SCIMP: variants seen among roughly 807,000 people sequenced by gnomAD.
The protein encoded by SCIMP is SLP adaptor and CSK interacting membrane protein, also known as SLP adapter and CSK-interacting membrane protein.
SCIMP carries 18 observed loss-of-function variants against 22.0 expected under a neutral mutation model. That is an observed-to-expected ratio of 0.82 (90% confidence interval 0.56 to 1.21). The LOEUF (loss-of-function observed/expected upper bound fraction) is 1.21, where lower values mean the gene tolerates loss of function less well. Ranked by LOEUF, SCIMP falls within the 50% of genes most tolerant of loss-of-function variation. The pLI, the probability that SCIMP is intolerant of heterozygous loss-of-function variation, is 0.00. For synonymous variants in SCIMP, 53 were observed against 62.2 expected (o/e 0.85, Z 0.70); for missense variants, 155 against 171.2 (o/e 0.91, Z 0.53).
chr17:5,233,104 G>A (rs1008144845), intron 1 of SCIMP, among the ~76,000 whole-genome samples: 8 of 152,178 alleles, frequency 5.3e-5, no homozygotes, highest in South Asian at 4.1e-4. Context: ...GGAAGTGCAC[G>A]GCAGGGTCAT....
In SCIMP at chr17:5,226,639, G is replaced by A. The variant is rs138433564; in HGVS notation, c.22-3183C>T. Among the ~76,000 whole-genome samples the A allele has an allele frequency of 1.5e-3, 235 of 151,714 alleles. 1 individual carries two copies. Among genetic ancestry groups the A allele is most frequent in the African/African-American group, 5.5e-3 (229 of 41,352 alleles). ...TTCTGCCTCAGCCTCTCCAGTAGCTGCGATTACAGGTGTGTGCCACCATGC... is the reference window on the plus strand; with the variant it reads ...TTCTGCCTCAGCCTCTCCAGTAGCTACGATTACAGGTGTGTGCCACCATGC... On this transcript the variant is annotated intron_variant, in intron 1 of 4. Transcript: ENST00000574081.
At position 5,215,016 on chromosome 17, in the gene SCIMP, G is replaced by C; in HGVS notation, c.210-18C>G. 1 of 1,559,686 alleles carries C rather than the reference G, an allele frequency of 6.4e-7. No homozygotes were observed. The highest frequency in any genetic ancestry group is 8.8e-7 in the Non-Finnish European group (1 of 1,130,862). On this transcript the variant is annotated intron_variant, in intron 3 of 4. Coordinates refer to ENST00000574081, the MANE Select transcript of SCIMP (RefSeq NM_207103.3). ...GAACATTCCTAGAGAGAGAGAAAGAGAGAGAATCAGTGTTTGGTTTGGGCC... is the reference window on the plus strand; with the variant it reads ...GAACATTCCTAGAGAGAGAGAAAGACAGAGAATCAGTGTTTGGTTTGGGCC...
chr17:5,232,665 G>A (rs2074711683), intron 1 of SCIMP, among the ~76,000 whole-genome samples: 1 of 151,990 alleles, frequency 6.6e-6, no homozygotes, highest in Non-Finnish European at 1.5e-5. Flanking sequence ...CTAATTCCCC[G>A]ACTGTTGCTG....
chr17:5,212,478 CAAA>C (rs2074532816), intron 4 of SCIMP, among the ~76,000 whole-genome samples: 1 of 152,054 alleles, frequency 6.6e-6, no homozygotes, highest in South Asian at 2.1e-4. Flanking sequence ...ACTAAAAATA[CAAA>C]AAATTAGCCA....
At chr17:5,213,284 G>T in intron 4 of SCIMP, 5 of 959,596 alleles carry the variant, frequency 5.2e-6, no homozygotes, top group Non-Finnish European at 6.2e-6. Flanking sequence ...TTGAGACAGG[G>T]TCTCACTCTG....
intron 1 of SCIMP, among the ~76,000 whole-genome samples, chr17:5,224,285 C>T (rs543148441): frequency 9.2e-5 from 14 of 152,066 alleles, no homozygotes; most frequent in East Asian, 1.9e-4. Flanking sequence ...CAGGCGCCCA[C>T]GACCACGCCC....
chr17:5,226,800 C>T (rs982554267), intron 1 of SCIMP, among the ~76,000 whole-genome samples: 6 of 151,922 alleles, frequency 3.9e-5, no homozygotes, highest in Non-Finnish European at 7.4e-5. Flanking sequence ...TGAGCCACCA[C>T]GCCCGGCCGA....
chr17:5,230,779 A>G (rs187336147), intron 1 of SCIMP, among the ~76,000 whole-genome samples: 2 of 152,112 alleles, frequency 1.3e-5, no homozygotes, highest in Admixed American at 1.3e-4. Flanking sequence ...ACAAAACAAA[A>G]CAAAACAAAA....
At chr17:5,233,817 T>A (rs1036655312) in intron 1 of SCIMP, 1 of 152,056 alleles carries the variant, frequency 6.6e-6, no homozygotes, top group Admixed American at 6.6e-5. Context: ...TCAAAATAAT[T>A]TTCCAGAGGG....
rs1346398289 is a variant in SCIMP, at chr17:5,221,071, AGAG to A, written c.209+213_209+215del. 25 of 610,800 alleles carry A rather than the reference AGAG, an allele frequency of 4.1e-5. No individual in the cohort carries two copies. The East Asian group carries it at 7.4e-4, about 18-fold the overall frequency. The allele number at this position is 610,800 out of a possible 1,614,324, so 37.8% of individuals were successfully genotyped here. ...AGACTCCATCTCAAAAAAAAAAAAAAGAGAGAGAGAGATGAGAGGAGGGAGGAC... is the reference window on the plus strand; with the variant it reads ...AGACTCCATCTCAAAAAAAAAAAAAAAGAGAGAGATGAGAGGAGGGAGGAC... On this transcript the variant is annotated intron_variant, in intron 3 of 4. Coordinates refer to ENST00000574081, the MANE Select transcript of SCIMP (RefSeq NM_207103.3).
chr17:5,225,119 A>G (rs1016724424), intron 1 of SCIMP, among the ~76,000 whole-genome samples: 2 of 152,196 alleles, frequency 1.3e-5, no homozygotes, highest in Non-Finnish European at 2.9e-5. Context: ...TTAAATTGCT[A>G]CCTAGGTTAT....
chr17:5,226,398 A>G (rs1182629655), intron 1 of SCIMP, among the ~76,000 whole-genome samples: 1 of 152,142 alleles, frequency 6.6e-6, no homozygotes, highest in Non-Finnish European at 1.5e-5. Context: ...AAGTGAAACC[A>G]TGGGTCATTT....
chr17:5,227,770 A>C (rs1174393445), intron 1 of SCIMP, among the ~76,000 whole-genome samples: 1 of 152,180 alleles, frequency 6.6e-6, no homozygotes, highest in African/African-American at 2.4e-5. Flanking sequence ...CGCTTTCTTC[A>C]CAATTTTAGT....
intron 2 of SCIMP, among the ~76,000 whole-genome samples, chr17:5,222,093 T>TC (rs2074612559): frequency 1.9e-5 from 1 of 54,000 alleles, no homozygotes; most frequent in Non-Finnish European, 6.4e-5. Flanking sequence ...TGAAAACTTG[T>TC]TTTTTTTTTT....
intron 4 of SCIMP, chr17:5,213,025 C>CTTTTTTTTTTTTTTTTTTTTTTTTT (rs1555612864): frequency 3.4e-6 from 2 of 586,406 alleles, no homozygotes; most frequent in Non-Finnish European, 4.3e-6. Context: ...GTGGTAACTT[C>CTTTTTTTTTTTTTTTTTTTTTTTTT]TGAGCTGACA....
intron 2 of SCIMP, 91 bp from the exon 3 acceptor site, chr17:5,221,441 G>A (rs991256593): frequency 1.3e-5 from 12 of 940,660 alleles, no homozygotes; most frequent in Non-Finnish European, 2.1e-5. Context: ...TAGGGACACA[G>A]TTAATAAATG....
In SCIMP at chr17:5,225,189, G is replaced by A. The variant is rs546031099; in HGVS notation, c.22-1733C>T. ...CAATAAAACTGCATAACACGGCCAG[G>A]TGCGGTGGCTCACGCCTGTAATCCC... On this transcript the variant is annotated intron_variant, in intron 1 of 4. Transcript: ENST00000574081. Among the ~76,000 whole-genome samples, 46 of 152,348 alleles carry A rather than the reference G, an allele frequency of 3.0e-4. 1 individual carries two copies. The South Asian group carries it at 9.3e-3, about 31-fold the overall frequency.
intron 1 of SCIMP, among the ~76,000 whole-genome samples, chr17:5,227,724 A>G (rs576955296): frequency 1.3e-5 from 2 of 152,194 alleles, no homozygotes; most frequent in East Asian, 3.9e-4. Context: ...CAACTCCTCC[A>G]CCTTCCAGCC....
intron 1 of SCIMP, among the ~76,000 whole-genome samples, chr17:5,227,292 A>AACACACACACACACACACACACACACAC (rs10681110): frequency 6.9e-6 from 1 of 144,216 alleles, no homozygotes; most frequent in African/African-American, 2.6e-5. Flanking sequence ...ACACACACAC[A>AACACACACACACACACACACACACACAC]ACACACACAC....
Sources: gnomAD v4.1 joint callset for allele counts (sites outside exome capture counted in the v4.1 genomes callset) on GRCh38, gnomAD v4.1.1 for gene constraint, MANE v1.5 for transcripts, NCBI Gene and HGNC (gene_info 2026-07-23, HGNC 2026-07-21) for gene names.